Variants in RAI14 observed in about 807,000 individuals in gnomAD.
RAI14 encodes the protein ankycorbin.
In RAI14, 45 loss-of-function variants were observed where a neutral mutation model predicts 115.4. The ratio of observed to expected loss-of-function variants is 0.39; its 90% CI spans 0.31 to 0.50. RAI14 has a LOEUF of 0.50. Ranked by LOEUF, RAI14 falls within the 20% of genes least tolerant of loss-of-function variation. RAI14 has a pLI of 0.85. For missense variants in RAI14, 939 were observed against 1,131.2 expected (o/e 0.83, Z 2.44); for synonymous variants, 371 against 415.4 (o/e 0.89, Z 1.30).
Position 34,827,579 on chromosome 5 carries a change from C to T in RAI14, c.2799+1100C>T, listed in dbSNP as rs1757575214. ...GTAGTGAATTCAGGTTTCTGCAGTC[C>T]TTACTCTGGCTGGCCACAAAGTTCA... On this transcript the variant is annotated intron_variant, in intron 16 of 17. Transcript: ENST00000265109. This position sits in a 1 kb window ranked among gnomAD's most constrained non-coding sequence, Gnocchi z 4.2. Among the ~76,000 whole-genome samples, 1 of 152,140 alleles carries T rather than the reference C, an allele frequency of 6.6e-6. No homozygotes were observed. The highest frequency in any genetic ancestry group is 2.4e-5 in the African/African-American group (1 of 41,430).
chr5:34,768,436 C>T (rs538322178), intron 3 of RAI14, among the ~76,000 whole-genome samples: 8 of 152,314 alleles, frequency 5.3e-5, no homozygotes, highest in Admixed American at 4.6e-4. Flanking sequence ...TTAGAGATCT[C>T]GTCAATTTCC....
At chr5:34,805,338 G>C (rs1484445771) in intron 5 of RAI14, among the ~76,000 whole-genome samples, 9 of 151,978 alleles carry the variant, frequency 5.9e-5, no homozygotes, top group African/African-American at 1.9e-4. Flanking sequence ...TGTCTCAGTA[G>C]CCCAGGCTCT....
At chr5:34,814,736 A>T in intron 12 of RAI14, 67 bp downstream of exon 12, 3 of 1,236,166 alleles carry the variant, frequency 2.4e-6, no homozygotes, top group Non-Finnish European at 3.6e-6. Context: ...GCTTTAAGTT[A>T]TATAACACTG....
chr5:34,761,645 G>A (rs164310), intron 3 of RAI14, among the ~76,000 whole-genome samples: 25,295 of 152,016 alleles, frequency 0.17, 2,373 homozygotes, highest in African/African-American at 0.27. Flanking sequence ...GTCTGCTCCC[G>A]CCCTCCCCAC....
At position 34,822,965 on chromosome 5, in the gene RAI14, C is replaced by T. The variant is rs956340692; in HGVS notation, c.1123C>T (p.Pro375Ser). 6.2e-7 allele frequency: 1 copy of T among 1,610,614 alleles called. No homozygotes were observed. Among genetic ancestry groups the T allele is most frequent in the Non-Finnish European group, 8.5e-7 (1 of 1,178,676 alleles). ...ELQDKLQAKS[P>S]KEAEADLSFD... is the part of the protein sequence containing the mutation. The stretch of plus-strand genomic sequence containing the variant: ...TGCTTTTTTTTCCTAGGCCAAATCA[C>T]CCAAGGAGGCGGAAGCAGACCTAAG... Residue 375 changes from proline to serine, a missense_variant, in exon 15 of 18, where the codon CCC becomes TCC. Transcript: ENST00000265109.
chr5:34,786,930 A>C (rs958543458), intron 3 of RAI14, among the ~76,000 whole-genome samples: 1 of 152,246 alleles, frequency 6.6e-6, no homozygotes, highest in African/African-American at 2.4e-5. Flanking sequence ...ATTTACTAAA[A>C]GTATTCCTTA....
intron 4 of RAI14, among the ~76,000 whole-genome samples, chr5:34,798,832 A>T (rs1283396868): frequency 6.6e-6 from 1 of 152,212 alleles, no homozygotes; most frequent in South Asian, 2.1e-4. Flanking sequence ...AGTGGGAACC[A>T]ATTGAAATTG....
At chr5:34,783,931 CCAGA>C (rs1026602140) in intron 3 of RAI14, among the ~76,000 whole-genome samples, 12 of 152,162 alleles carry the variant, frequency 7.9e-5, no homozygotes, top group Non-Finnish European at 1.0e-4. Context: ...GGCATGTAGC[CCAGA>C]CAAAGTGAGA....
intron 3 of RAI14, among the ~76,000 whole-genome samples, chr5:34,767,970 C>T (rs913049104): frequency 6.6e-6 from 1 of 151,260 alleles, no homozygotes; most frequent in Non-Finnish European, 1.5e-5. Context: ...ACTGGGGCAC[C>T]ACCTAATGGA....
chr5:34,712,670 C>T (rs1348896078), intron 2 of RAI14, among the ~76,000 whole-genome samples: 1 of 152,156 alleles, frequency 6.6e-6, no homozygotes, highest in Non-Finnish European at 1.5e-5. Context: ...TGTTCAGATA[C>T]ACTACGACAG....
chr5:34,822,250 G>GTGTA (rs1554012472), intron 14 of RAI14, among the ~76,000 whole-genome samples: 22 of 134,732 alleles, frequency 1.6e-4, no homozygotes, highest in South Asian at 7.0e-4. Context: ...ATGTGTGTAT[G>GTGTA]TATATATATA....
At chr5:34,663,050 C>A (rs971719749) in intron 1 of RAI14, among the ~76,000 whole-genome samples, 1 of 152,032 alleles carries the variant, frequency 6.6e-6, no homozygotes, top group Non-Finnish European at 1.5e-5. Context: ...GATATTTCTT[C>A]CCTTTGTAGT....
intron 8 of RAI14, 105 bp downstream of exon 8, chr5:34,811,223 T>C (rs1755545465): frequency 7.8e-7 from 1 of 1,282,644 alleles, no homozygotes; most frequent in Non-Finnish European, 1.1e-6. Flanking sequence ...TATAAGGGAT[T>C]TTTAACTTCT....
intron 3 of RAI14, among the ~76,000 whole-genome samples, chr5:34,781,504 G>A (rs1485188277): frequency 6.6e-6 from 1 of 152,142 alleles, no homozygotes; most frequent in African/African-American, 2.4e-5. Flanking sequence ...CTACCTCAGA[G>A]GGCTCACTGA....
chr5:34,830,146 G>A (rs1287888414), intron 17 of RAI14, among the ~76,000 whole-genome samples: 2 of 152,076 alleles, frequency 1.3e-5, no homozygotes, highest in Non-Finnish European at 2.9e-5. Context: ...CACCGTACCT[G>A]GCAAATTTTT....
At chr5:34,676,611 C>G (rs1271323785) in intron 1 of RAI14, among the ~76,000 whole-genome samples, 1 of 152,110 alleles carries the variant, frequency 6.6e-6, no homozygotes, top group Non-Finnish European at 1.5e-5. Flanking sequence ...AGAACCACAG[C>G]CAATTTTGTG....
At position 34,795,931 on chromosome 5, in the gene RAI14, C is replaced by T; in HGVS notation, c.168-8C>T. 2 of 1,609,268 alleles carry T rather than the reference C, an allele frequency of 1.2e-6. No individual in the cohort carries two copies. Among genetic ancestry groups the T allele is most frequent in the Non-Finnish European group, 1.7e-6 (2 of 1,175,754 alleles). On this transcript the variant is annotated splice_region_variant and splice_polypyrimidine_tract_variant and intron_variant, in intron 3 of 17. Coordinates refer to ENST00000265109, the MANE Select transcript of RAI14 (RefSeq NM_015577.3). ...TCTCAAGGAGATTGTGTTTACTTCT[C>T]TTTCCAGTTTCCATCTTGCTGCTGC...
At chr5:34,742,313 G>A (rs751174017) in intron 2 of RAI14, among the ~76,000 whole-genome samples, 5 of 152,142 alleles carry the variant, frequency 3.3e-5, no homozygotes, top group South Asian at 2.1e-4. Flanking sequence ...TTAACCTCTC[G>A]TCTTGGTCAA....
At chr5:34,701,933 C>T (rs149985749) in intron 2 of RAI14, among the ~76,000 whole-genome samples, 2,281 of 152,180 alleles carry the variant, frequency 0.015, 18 homozygotes, top group Non-Finnish European at 0.025. Context: ...CTGCCTCAGC[C>T]TCCCAAGTAG....
Sources: allele counts gnomAD v4.1 joint callset (sites outside exome capture counted in the v4.1 genomes callset), GRCh38; gene constraint gnomAD v4.1.1; non-coding constraint Gnocchi (gnomAD v3.1); transcripts MANE v1.5; gene names NCBI Gene and HGNC (gene_info 2026-07-23, HGNC 2026-07-21).